The following CNMD variants were observed in gnomAD, a reference collection of about 807,000 sequenced individuals.
The protein encoded by CNMD is chondromodulin.
Under a neutral mutation model 37.5 loss-of-function variants are expected in CNMD, and 30 were observed. The ratio of observed to expected loss-of-function variants is 0.80; its 90% CI spans 0.60 to 1.09. The LOEUF is 1.09. Ranked by LOEUF, CNMD falls within the 50% of genes least tolerant of loss-of-function variation. The probability of loss-of-function intolerance (pLI) is 0.00; values close to 1 mark genes in which losing one functional copy is unlikely to be tolerated. For missense variants in CNMD, 398 were observed against 423.9 expected, an observed-to-expected ratio of 0.94 and a Z score of 0.54; for synonymous variants, 167 against 148.2, an observed-to-expected ratio of 1.13 and a Z score of -0.92.
chr13:52,725,652 C>G (rs1234665384), intron 3 of CNMD, among the ~76,000 whole-genome samples: 1 of 152,092 alleles, frequency 6.6e-6, no homozygotes, highest in Non-Finnish European at 1.5e-5. Flanking sequence ...AAAATAAAGG[C>G]CTACAATTTT....
At chr13:52,721,175 G>A (rs1407208674) in intron 4 of CNMD, among the ~76,000 whole-genome samples, 2 of 152,112 alleles carry the variant, frequency 1.3e-5, no homozygotes, top group Non-Finnish European at 2.9e-5. Context: ...GTCCCAGGTC[G>A]ACTTCAAACT....
intron 6 of CNMD, 126 bp downstream of exon 6, chr13:52,708,410 T>A: frequency 1.4e-6 from 1 of 739,980 alleles, no homozygotes; most frequent in South Asian, 2.5e-5. Flanking sequence ...CTCGAACTCC[T>A]GACCTCGTGA....
Position 52,708,748 on chromosome 13 carries a change from G to A in CNMD, c.623-46C>T, listed in dbSNP as rs763646160. On this transcript the variant is annotated intron_variant, in intron 5 of 6. Coordinates refer to ENST00000377962, the MANE Select transcript of CNMD (RefSeq NM_007015.3). The stretch of plus-strand genomic sequence containing the variant: ...TAATCCCTTTATTTGAATAATTAAG[G>A]AAATTAGATCTGTGTTTATCAGGGT... 18 of 1,437,818 alleles carry A rather than the reference G, an allele frequency of 1.3e-5. No individual in the cohort carries two copies. In the South Asian group the frequency reaches 2.0e-4, roughly 16 times the overall value. The allele number at this position is 1,437,818 out of a possible 1,614,324, so 89.1% of individuals were successfully genotyped here.
chr13:52,734,982 T>G (rs564328545), intron 2 of CNMD, among the ~76,000 whole-genome samples: 1 of 152,298 alleles, frequency 6.6e-6, no homozygotes, highest in African/African-American at 2.4e-5. Flanking sequence ...AAAATACCAG[T>G]GTCCTTTTTC....
chr13:52,734,458 G>A (rs1225764189), intron 2 of CNMD, among the ~76,000 whole-genome samples: 4 of 151,996 alleles, frequency 2.6e-5, no homozygotes, highest in African/African-American at 9.7e-5. Flanking sequence ...TGACCTAAAG[G>A]GCTCAGACAC....
chr13:52,737,961 A>T (rs1219415292), intron 2 of CNMD, among the ~76,000 whole-genome samples: 2 of 152,262 alleles, frequency 1.3e-5, no homozygotes, highest in African/African-American at 4.8e-5. Context: ...ATGCTTATCT[A>T]CATTAGACAT....
intron 5 of CNMD, among the ~76,000 whole-genome samples, chr13:52,711,880 C>G (rs1198814289): frequency 6.6e-6 from 1 of 152,106 alleles, no homozygotes; most frequent in Non-Finnish European, 1.5e-5. Flanking sequence ...CCAGTTTTTT[C>G]CCTGTGTGCC....
At chr13:52,713,095 C>T (rs988090411) in intron 4 of CNMD, among the ~76,000 whole-genome samples, 9 of 152,128 alleles carry the variant, frequency 5.9e-5, no homozygotes, top group Admixed American at 5.9e-4. Context: ...ATAGCTGTAC[C>T]ATGTGAATAT....
intron 3 of CNMD, among the ~76,000 whole-genome samples, chr13:52,725,045 G>C (rs1053078712): frequency 6.6e-6 from 1 of 152,162 alleles, no homozygotes; most frequent in African/African-American, 2.4e-5. Context: ...ATTTGAGCTG[G>C]GACAGAATAT....
At position 52,738,562 on chromosome 13, in the gene CNMD, C is replaced by G. The variant is rs142870675; in HGVS notation, c.213+469G>C. ...GGTCACAAAAAAACCTTCTGAAAGGCAAAAATTCCTTCCCAATGGGTCTGA... is the reference window on the plus strand; with the variant it reads ...GGTCACAAAAAAACCTTCTGAAAGGGAAAAATTCCTTCCCAATGGGTCTGA... On this transcript the variant is annotated intron_variant, in intron 2 of 6. Coordinates refer to ENST00000377962, the MANE Select transcript of CNMD (RefSeq NM_007015.3). 4.8e-4 allele frequency among the ~76,000 whole-genome samples: 73 copies of G among 152,262 alleles called. No homozygotes were observed. The East Asian group carries it at 0.012, about 24-fold the overall frequency.
intron 6 of CNMD, among the ~76,000 whole-genome samples, chr13:52,708,050 T>G (rs1055823608): frequency 6.6e-6 from 1 of 152,088 alleles, no homozygotes; most frequent in East Asian, 1.9e-4. Flanking sequence ...GGGAGGCGAT[T>G]CCCAGGCAGT....
Position 52,739,480 on chromosome 13 carries a change from G to A in CNMD, c.72+150C>T, listed in dbSNP as rs1212276453. 2 of 750,990 alleles carry A rather than the reference G, an allele frequency of 2.7e-6. No homozygotes were observed. Among genetic ancestry groups the A allele is most frequent in the Non-Finnish European group, 4.5e-6 (2 of 439,910 alleles). The allele number at this position is 750,990 out of a possible 1,614,324, so 46.5% of individuals were successfully genotyped here. On this transcript the variant is annotated intron_variant, in intron 1 of 6. Transcript: ENST00000377962. The surrounding 1 kb of genome is among the most constrained non-coding windows in gnomAD (Gnocchi z 5.4). ...CCGTGACCCCTGCACACTCATACGC[G>A]TGGGGCGACATCCCACCCACACATT...
rs1964849504 is a variant in CNMD at position 52,739,581 on chromosome 13, A to G, written c.72+49T>C. 2.6e-6 allele frequency: 4 copies of G among 1,520,134 alleles called. No homozygotes were observed. The highest frequency in any genetic ancestry group is 3.7e-6 in the Non-Finnish European group (4 of 1,094,560). 94.2% of individuals were successfully genotyped at this position (1,520,134 alleles called of 1,614,324 possible). A position where few individuals can be genotyped will look rare whatever the true frequency, so the allele number is the denominator to read the frequency against. On this transcript the variant is annotated intron_variant, in intron 1 of 6. Transcript: ENST00000377962. This position sits in a 1 kb window ranked among gnomAD's most constrained non-coding sequence, Gnocchi z 5.4. ...CCCTGAGTCCGAACTGTGGAACCTG[A>G]TACTCACACAACCCAGGCCCTGCGT...
intron 4 of CNMD, among the ~76,000 whole-genome samples, chr13:52,722,191 C>T (rs144494206): frequency 6.0e-4 from 92 of 152,080 alleles, no homozygotes; most frequent in African/African-American, 2.1e-3. Flanking sequence ...GAATACATCT[C>T]ACAGGATGGA....
intron 5 of CNMD, among the ~76,000 whole-genome samples, chr13:52,711,136 A>G (rs1440492389): frequency 6.6e-6 from 1 of 152,162 alleles, no homozygotes; most frequent in Non-Finnish European, 1.5e-5. Flanking sequence ...TACCTACAAC[A>G]AGTTTATGGC....
At chr13:52,719,730 C>A (rs1964449168) in intron 4 of CNMD, among the ~76,000 whole-genome samples, 1 of 152,122 alleles carries the variant, frequency 6.6e-6, no homozygotes, top group Admixed American at 6.5e-5. Context: ...TGTGGGTAAC[C>A]CGAACTTTCT....
At chr13:52,715,526 C>T (rs1964361479) in intron 4 of CNMD, among the ~76,000 whole-genome samples, 1 of 152,132 alleles carries the variant, frequency 6.6e-6, no homozygotes, top group South Asian at 2.1e-4. Context: ...TGACAGGCCC[C>T]GGTGTGTGAT....
intron 2 of CNMD, among the ~76,000 whole-genome samples, chr13:52,737,865 C>T (rs1042176420): frequency 3.3e-5 from 5 of 152,190 alleles, no homozygotes; most frequent in African/African-American, 1.2e-4. Context: ...TTTCAAATAC[C>T]CACAAAATAC....
chr13:52,738,474 T>TTTTG (rs911992257), intron 2 of CNMD, among the ~76,000 whole-genome samples: 1 of 152,124 alleles, frequency 6.6e-6, no homozygotes, highest in Non-Finnish European at 1.5e-5. Context: ...AAGTTAGACG[T>TTTTG]TTTGTTTGTT....
Sources: allele counts gnomAD v4.1 joint callset (sites outside exome capture counted in the v4.1 genomes callset), GRCh38; gene constraint gnomAD v4.1.1; non-coding constraint Gnocchi (gnomAD v3.1); transcripts MANE v1.5; gene names NCBI Gene and HGNC (gene_info 2026-07-23, HGNC 2026-07-21).